Variants in HPSE2 observed in about 807,000 individuals in gnomAD.
HPSE2 encodes the protein heparanase 2 (inactive).
Under a neutral mutation model 60.5 loss-of-function variants are expected in HPSE2, and 38 were observed. The ratio of observed to expected loss-of-function variants is 0.63; its 90% confidence interval spans 0.48 to 0.82. The LOEUF (loss-of-function observed/expected upper bound fraction) is 0.82, where lower values mean the gene tolerates loss of function less well. HPSE2 is among the 40% of genes least tolerant of loss of function. The probability of loss-of-function intolerance (pLI) is 0.00; values close to 1 mark genes in which losing one functional copy is unlikely to be tolerated. For synonymous variants in HPSE2, 295 were observed against 293.2 expected, an observed-to-expected ratio of 1.01 and a Z score of -0.06; for missense variants, 713 against 740.4, an observed-to-expected ratio of 0.96 and a Z score of 0.43.
chr10:98,573,737 C>T (rs1944566616), intron 9 of HPSE2, among the ~76,000 whole-genome samples: 1 of 152,208 alleles, frequency 6.6e-6, no homozygotes, highest in African/African-American at 2.4e-5. Context: ...AGGCTCATCA[C>T]AGAATATGCT....
chr10:98,753,130 G>T, intron 3 of HPSE2, among the ~76,000 whole-genome samples: 1 of 152,110 alleles, frequency 6.6e-6, no homozygotes, highest in African/African-American at 2.4e-5. Flanking sequence ...GAGATCTATT[G>T]TGGAACAAGG....
chr10:98,868,504 T>C (rs915329246), intron 3 of HPSE2, among the ~76,000 whole-genome samples: 1 of 152,096 alleles, frequency 6.6e-6, no homozygotes, highest in African/African-American at 2.4e-5. Flanking sequence ...AAGAATATAA[T>C]TGGAATGCTT....
chr10:99,009,499 T>G (rs1956965793), intron 3 of HPSE2, among the ~76,000 whole-genome samples: 1 of 152,184 alleles, frequency 6.6e-6, no homozygotes, highest in Non-Finnish European at 1.5e-5. Context: ...GGGTTACTAC[T>G]GGCAGCCACA....
chr10:98,768,624 C>G (rs1455212733), intron 3 of HPSE2, among the ~76,000 whole-genome samples: 1 of 152,128 alleles, frequency 6.6e-6, no homozygotes, highest in Non-Finnish European at 1.5e-5. Context: ...ATTTTATTTA[C>G]TAAATATTAT....
At chr10:98,691,669 G>T (rs1297901431) in intron 6 of HPSE2, among the ~76,000 whole-genome samples, 1 of 152,164 alleles carries the variant, frequency 6.6e-6, no homozygotes, top group East Asian at 1.9e-4. Flanking sequence ...TCAGTAAAGG[G>T]ACATTATCTT....
At chr10:98,465,086 T>C (rs999796990) in intron 11 of HPSE2, among the ~76,000 whole-genome samples, 1 of 152,250 alleles carries the variant, frequency 6.6e-6, no homozygotes, top group Non-Finnish European at 1.5e-5. Context: ...GCTTTATCAC[T>C]TCCATTCTAT....
At chr10:98,596,820 T>C (rs1473612140) in intron 9 of HPSE2, among the ~76,000 whole-genome samples, 3 of 152,166 alleles carry the variant, frequency 2.0e-5, no homozygotes, top group South Asian at 2.1e-4. Flanking sequence ...AATTATAATA[T>C]ATCTTAGTGT....
chr10:98,636,773 T>TC lies in HPSE2; in HGVS notation c.1098+5073dup, dbSNP rs1436209882. ...AAACACTTCCTTTATGACTGGGATT[T>TC]CACCAACTCCTTTCTGTGCTTATTG... is the stretch of plus-strand genomic sequence containing the variant. On this transcript the variant is annotated intron_variant, in intron 7 of 11. Coordinates refer to ENST00000370552, the MANE Select transcript of HPSE2 (RefSeq NM_021828.5). Among the ~76,000 whole-genome samples, 5 of 152,354 alleles carry TC rather than the reference T, an allele frequency of 3.3e-5. No homozygotes were observed. The East Asian group carries it at 7.7e-4, about 23-fold the overall frequency.
At chr10:99,312,418 T>C in the HPSE2 span, among the ~76,000 whole-genome samples, 1 of 152,178 alleles carries the variant, frequency 6.6e-6, no homozygotes, top group East Asian at 1.9e-4. Context: ...ATTCCAAAAA[T>C]CCTAGGGCCC....
chr10:98,952,095 T>C (rs993251546), intron 3 of HPSE2, among the ~76,000 whole-genome samples: 49 of 152,232 alleles, frequency 3.2e-4, no homozygotes, highest in Non-Finnish European at 1.5e-5. Context: ...AAGTGGATCA[T>C]GAGTGACCCC....
At chr10:98,724,721 TG>T (rs1297234156) in intron 4 of HPSE2, among the ~76,000 whole-genome samples, 1 of 152,216 alleles carries the variant, frequency 6.6e-6, no homozygotes, top group Non-Finnish European at 1.5e-5. Flanking sequence ...CATTGTGTAA[TG>T]GCCTTCTTTG....
upstream of HPSE2, among the ~76,000 whole-genome samples, chr10:99,237,894 A>G (rs147834180): frequency 6.6e-6 from 1 of 152,360 alleles, no homozygotes; most frequent in East Asian, 1.9e-4. Context: ...TAGGCACTCA[A>G]TAAATTCTGT....
intron 3 of HPSE2, chr10:99,013,915 T>C (rs1169925983): frequency 3.3e-5 from 14 of 430,392 alleles, no homozygotes; most frequent in Admixed American, 1.6e-4. Flanking sequence ...CTCCTGGTGA[T>C]TGAACAGTCT....
chr10:98,471,325 G>T (rs1174819777), intron 11 of HPSE2, among the ~76,000 whole-genome samples: 1 of 152,146 alleles, frequency 6.6e-6, no homozygotes, highest in African/African-American at 2.4e-5. Context: ...TGGTTTAATT[G>T]GCTGGGGTGT....
chr10:98,539,404 C>T (rs773666522), intron 9 of HPSE2, among the ~76,000 whole-genome samples: 1 of 152,068 alleles, frequency 6.6e-6, no homozygotes, highest in Non-Finnish European at 1.5e-5. Flanking sequence ...GCCTGTAATC[C>T]CAACTACTTG....
At chr10:98,738,967 A>G (rs1160121632) in intron 4 of HPSE2, among the ~76,000 whole-genome samples, 1 of 152,226 alleles carries the variant, frequency 6.6e-6, no homozygotes, top group Non-Finnish European at 1.5e-5. Flanking sequence ...CCATCCCATT[A>G]CTGGATATGT....
chr10:98,745,723 T>C (rs1435345809), intron 3 of HPSE2, among the ~76,000 whole-genome samples: 1 of 152,212 alleles, frequency 6.6e-6, no homozygotes, highest in African/African-American at 2.4e-5. Flanking sequence ...CTTCAGGTAG[T>C]ACACAGTTTT....
At chr10:99,035,723 C>T (rs1957595029) in intron 3 of HPSE2, among the ~76,000 whole-genome samples, 1 of 152,202 alleles carries the variant, frequency 6.6e-6, no homozygotes, top group Admixed American at 6.5e-5. Flanking sequence ...GCTACAATGT[C>T]ATTACGTGAT....
intron 9 of HPSE2, among the ~76,000 whole-genome samples, chr10:98,494,445 A>AGGCTAC (rs1203572357): frequency 6.6e-6 from 1 of 152,246 alleles, no homozygotes; most frequent in African/African-American, 2.4e-5. Context: ...GAAGAGGAAC[A>AGGCTAC]GGCTATGACC....
Sources: allele counts gnomAD v4.1 joint callset (sites outside exome capture counted in the v4.1 genomes callset), GRCh38; gene constraint gnomAD v4.1.1; transcripts MANE v1.5; gene names NCBI Gene and HGNC (gene_info 2026-07-23, HGNC 2026-07-21).